The following RANBP3 variants were observed in gnomAD, a reference collection of about 807,000 sequenced individuals.
RANBP3 encodes ran-binding protein 3.
RANBP3 carries 14 observed loss-of-function variants against 77.3 expected under a neutral mutation model. The ratio of observed to expected loss-of-function variants is 0.18; its 90% CI spans 0.12 to 0.28. The LOEUF is 0.28. Ranked by LOEUF, RANBP3 falls within the 10% of genes least tolerant of loss-of-function variation. The probability of loss-of-function intolerance (pLI) is 1.00; values close to 1 mark genes in which losing one functional copy is unlikely to be tolerated. For synonymous variants in RANBP3, 315 were observed against 312.4 expected (o/e 1.01, Z -0.09); for missense variants, 586 against 752.3 (o/e 0.78, Z 2.59).
intron 1 of RANBP3, among the ~76,000 whole-genome samples, chr19:5,967,915 G>T (rs966055702): frequency 4.6e-5 from 7 of 152,102 alleles, no homozygotes; most frequent in African/African-American, 1.7e-4. Flanking sequence ...TACTCGGGAG[G>T]CTGAGACCCA....
At chr19:5,972,681 G>A (rs2058544541) in intron 1 of RANBP3, among the ~76,000 whole-genome samples, 1 of 152,016 alleles carries the variant, frequency 6.6e-6, no homozygotes, top group Non-Finnish European at 1.5e-5. Context: ...TTCCCCAAAT[G>A]GCCTTCGTCT....
At chr19:5,918,388 G>GCCCCCCCCCCCCCCCCCCCCCCC in intron 15 of RANBP3, 108 bp downstream of exon 15, 1 of 688,310 alleles carries the variant, frequency 1.5e-6, no homozygotes, top group South Asian at 2.3e-5. Context: ...AGCAACTGAA[G>GCCCCCCCCCCCCCCCCCCCCCCC]CCCCTCCCCC....
At chr19:5,941,896 T>C in intron 3 of RANBP3, 61 bp from the exon 4 acceptor site, 1 of 1,590,376 alleles carries the variant, frequency 6.3e-7, no homozygotes, top group African/African-American at 1.3e-5. Context: ...GCCGAGCAAC[T>C]CTCGGGGCCG....
Position 5,917,477 on chromosome 19 carries a change from C to T in RANBP3, c.*133G>A. 1 of 1,050,702 alleles carries T rather than the reference C, an allele frequency of 9.5e-7. No homozygotes were observed. The highest frequency in any genetic ancestry group is 1.4e-6 in the Non-Finnish European group (1 of 740,158). The allele number at this position is 1,050,702 out of a possible 1,614,324, so 65.1% of individuals were successfully genotyped here. A position where few individuals can be genotyped will look rare whatever the true frequency, so the allele number is the denominator to read the frequency against. On this transcript the variant is annotated 3_prime_UTR_variant, in exon 17 of 17. Coordinates refer to ENST00000340578, the MANE Select transcript of RANBP3 (RefSeq NM_007322.3). ...TGCTTTTGAACAGGACGTGCGGGTC[C>T]AGACTGTGGCCGGCCCAGTGGGGTG... is the stretch of plus-strand genomic sequence containing the variant.
At chr19:5,965,737 T>C (rs1394624075) in intron 1 of RANBP3, 2 of 152,258 alleles carry the variant, frequency 1.3e-5, no homozygotes, top group Non-Finnish European at 2.9e-5. Flanking sequence ...TTTTACCTCT[T>C]AGACTTATCT....
At chr19:5,925,487 G>A (rs2057892648) in intron 10 of RANBP3, 147 bp downstream of exon 10, 2 of 685,528 alleles carry the variant, frequency 2.9e-6, no homozygotes, top group Middle Eastern at 4.0e-4. Flanking sequence ...GTTGTGCCCA[G>A]AGTGGGGAAT....
chr19:5,975,313 A>G (rs2058577731), intron 1 of RANBP3, among the ~76,000 whole-genome samples: 1 of 152,110 alleles, frequency 6.6e-6, no homozygotes, highest in South Asian at 2.1e-4. Flanking sequence ...CTTACTAGGG[A>G]AAAAAAGTGA....
intron 11 of RANBP3, 49 bp from the exon 12 acceptor site, chr19:5,923,963 TCAG>T: frequency 7.0e-7 from 1 of 1,432,958 alleles, no homozygotes; most frequent in Admixed American, 1.7e-5. Context: ...GTGTGGTCCT[TCAG>T]CAGCAGCTCT....
chr19:5,959,485 C>T lies in RANBP3; in HGVS notation c.23-1512G>A, dbSNP rs1180623072. ...CCCCGAAGCCTCGGCACACCAGGGT[C>T]TGATTCACCGTGTACAGCCAAGGCA... On this transcript the variant is annotated intron_variant, in intron 1 of 16. Coordinates refer to ENST00000340578, the MANE Select transcript of RANBP3 (RefSeq NM_007322.3). The surrounding 1 kb of genome is among the most constrained non-coding windows in gnomAD (Gnocchi z 5.1). Among the ~76,000 whole-genome samples the T allele has an allele frequency of 6.6e-6, 1 of 152,100 alleles. No individual in the cohort carries two copies. Among genetic ancestry groups the T allele is most frequent in the Non-Finnish European group, 1.5e-5 (1 of 68,014 alleles).
intron 2 of RANBP3, among the ~76,000 whole-genome samples, chr19:5,954,529 T>C (rs546241497): frequency 9.6e-4 from 146 of 152,144 alleles, no homozygotes; most frequent in African/African-American, 3.3e-3. Context: ...AGGGCAGCAA[T>C]GCTAACAGAG....
rs573772970 is a variant in RANBP3, at chr19:5,978,004, G to C, written c.22+57C>G. On this transcript the variant is annotated intron_variant, in intron 1 of 16. Transcript: ENST00000340578. ...TCCCCCCAAGGGCTTGTGGCCCCTA[G>C]TCCTCCCGCCGCCCGTTCCCCGGCC... 374 of 1,603,576 alleles carry C rather than the reference G, an allele frequency of 2.3e-4. 1 individual carries two copies. The highest frequency in any genetic ancestry group is 3.4e-4 in the South Asian group (30 of 89,446).
chr19:5,923,918 C>T lies in RANBP3; in HGVS notation c.997-4G>A, dbSNP rs2057864076. The T allele has an allele frequency of 1.2e-6, 2 of 1,609,648 alleles. No homozygotes were observed. Among genetic ancestry groups the T allele is most frequent in the Non-Finnish European group, 1.7e-6 (2 of 1,176,006 alleles). On this transcript the variant is annotated splice_polypyrimidine_tract_variant and splice_region_variant and intron_variant, in intron 11 of 16. Transcript: ENST00000340578. ...CCTCGTTTAATTTTGGGGGGCTCTG[C>T]AGGGACACAAAAGCATACAAGGAAG...
At chr19:5,947,019 A>C (rs1268165519) in intron 3 of RANBP3, among the ~76,000 whole-genome samples, 1 of 152,236 alleles carries the variant, frequency 6.6e-6, no homozygotes, top group Admixed American at 6.5e-5. Context: ...GAGGATTTTA[A>C]GAGCAAGCTC....
chr19:5,946,878 C>T (rs1479302767), intron 3 of RANBP3, among the ~76,000 whole-genome samples: 1 of 152,216 alleles, frequency 6.6e-6, no homozygotes, highest in Non-Finnish European at 1.5e-5. Flanking sequence ...GAGTCTGGAC[C>T]TGTTTGGTGT....
At chr19:5,964,489 C>T (rs1426082477) in intron 1 of RANBP3, among the ~76,000 whole-genome samples, 3 of 152,146 alleles carry the variant, frequency 2.0e-5, no homozygotes, top group East Asian at 1.9e-4. Flanking sequence ...AGCACTGCGT[C>T]GGCCTCTGGA....
At chr19:5,960,975 A>G (rs1297194403) in intron 1 of RANBP3, among the ~76,000 whole-genome samples, 2 of 152,204 alleles carry the variant, frequency 1.3e-5, no homozygotes, top group African/African-American at 4.8e-5. Flanking sequence ...CACCCAGAGA[A>G]CAGAAAGCCA....
chr19:5,926,136 AGCT>A (rs2057906230), intron 9 of RANBP3, among the ~76,000 whole-genome samples: 1 of 152,156 alleles, frequency 6.6e-6, no homozygotes, highest in African/African-American at 2.4e-5. Flanking sequence ...CTTTCCTACC[AGCT>A]GCTATGCTGA....
intron 3 of RANBP3, among the ~76,000 whole-genome samples, chr19:5,950,086 C>A (rs943179066): frequency 1.3e-5 from 2 of 152,116 alleles, no homozygotes; most frequent in Admixed American, 1.3e-4. Flanking sequence ...TCTCAAAGAC[C>A]AGAGGTGCAG....
intron 9 of RANBP3, among the ~76,000 whole-genome samples, chr19:5,926,402 T>A (rs541798646): frequency 1.3e-5 from 2 of 151,964 alleles, no homozygotes; most frequent in Non-Finnish European, 1.5e-5. Flanking sequence ...ATACAAAAAA[T>A]TAGCTGGATG....
Sources: allele counts gnomAD v4.1 joint callset (sites outside exome capture counted in the v4.1 genomes callset), GRCh38; gene constraint gnomAD v4.1.1; non-coding constraint Gnocchi (gnomAD v3.1); transcripts MANE v1.5; gene names NCBI Gene and HGNC (gene_info 2026-07-23, HGNC 2026-07-21).